DENND4A: variants seen among roughly 807,000 people sequenced by gnomAD.
The protein encoded by DENND4A is C-myc promoter-binding protein.
In DENND4A, 70 loss-of-function variants were observed where a neutral mutation model predicts 199.3. That is an observed-to-expected ratio of 0.35 (90% CI 0.29 to 0.43). The LOEUF is 0.43. Ranked by LOEUF, DENND4A falls within the 20% of genes least tolerant of loss-of-function variation. DENND4A has a pLI of 1.00. For missense variants in DENND4A, 1,723 were observed against 2,255.8 expected, an observed-to-expected ratio of 0.76 and a Z score of 4.78; for synonymous variants, 686 against 766.9, an observed-to-expected ratio of 0.89 and a Z score of 1.74.
intron 18 of DENND4A, 90 bp downstream of exon 18, chr15:65,701,672 C>G (rs2074872536): frequency 8.2e-7 from 1 of 1,216,076 alleles, no homozygotes; most frequent in East Asian, 2.4e-5. Context: ...AAAATAAATG[C>G]CAAATAACCC....
chr15:65,746,369 C>CTCTCTTTTTTTTTTT (rs2076392238), intron 4 of DENND4A, among the ~76,000 whole-genome samples: 1 of 51,268 alleles, frequency 2.0e-5, no homozygotes, highest in Admixed American at 3.4e-4. Flanking sequence ...ACTTTTTTCT[C>CTCTCTTTTTTTTTTT]TTTTTTTTTT....
chr15:65,679,268 A>AT (rs1369706301), intron 23 of DENND4A, among the ~76,000 whole-genome samples: 1 of 150,866 alleles, frequency 6.6e-6, no homozygotes, highest in Non-Finnish European at 1.5e-5. Flanking sequence ...CGCCCAGCTA[A>AT]TTTTTTGTAT....
intron 7 of DENND4A, among the ~76,000 whole-genome samples, chr15:65,734,860 T>C (rs140882556): frequency 8.5e-5 from 13 of 152,108 alleles, no homozygotes; most frequent in South Asian, 6.2e-4. Context: ...GGCGAGTGAA[T>C]TGATTGAGCC....
chr15:65,696,332 T>A, intron 22 of DENND4A, 34 bp downstream of exon 22: 1 of 1,596,342 alleles, frequency 6.3e-7, no homozygotes, highest in South Asian at 1.1e-5. Context: ...TACAATTTAT[T>A]CCGCACATAA....
At chr15:65,769,024 C>A (rs185643424) in intron 1 of DENND4A, among the ~76,000 whole-genome samples, 12 of 151,228 alleles carry the variant, frequency 7.9e-5, no homozygotes, top group South Asian at 2.1e-4. Flanking sequence ...AAAAAAAAAC[C>A]CCCACAATTT....
At chr15:65,689,188 C>A (rs2142055646) in intron 23 of DENND4A, among the ~76,000 whole-genome samples, 2 of 152,134 alleles carry the variant, frequency 1.3e-5, no homozygotes, top group South Asian at 2.1e-4. Flanking sequence ...TAATACATTC[C>A]AATTATCTAG....
chr15:65,732,764 C>A lies in DENND4A; in HGVS notation c.1095G>T (p.Arg365=). Residue 365 remains arginine, a synonymous_variant, in exon 8 of 33, where the codon CGG becomes CGT. Transcript: ENST00000443035. ...KVPFPSPQRP[R]ILVQLSPHDN... is the part of the protein sequence containing the mutation. ...AAAAAAACCTTACCTGAACTAAAAT[C>A]CGTGGTCTCTGAGGAGATGGAAAAG... The A allele has an allele frequency of 6.2e-7, 1 of 1,600,710 alleles. No homozygotes were observed. Among genetic ancestry groups the A allele is most frequent in the South Asian group, 1.1e-5 (1 of 90,156 alleles).
At chr15:65,783,956 C>T (rs771521161) in intron 1 of DENND4A, among the ~76,000 whole-genome samples, 14 of 151,986 alleles carry the variant, frequency 9.2e-5, no homozygotes, top group Admixed American at 2.6e-4. Flanking sequence ...AAGACGAGTA[C>T]GGGAAAACAA....
At chr15:65,693,227 A>G (rs990327759) in intron 22 of DENND4A, among the ~76,000 whole-genome samples, 27 of 152,280 alleles carry the variant, frequency 1.8e-4, no homozygotes, top group Admixed American at 1.8e-3. Flanking sequence ...ATTAAGGTAT[A>G]GTTTTTGAGG....
chr15:65,730,720 T>C (rs2075933003), intron 9 of DENND4A, among the ~76,000 whole-genome samples: 1 of 151,886 alleles, frequency 6.6e-6, no homozygotes, highest in Admixed American at 6.6e-5. Flanking sequence ...GGGGTATGAG[T>C]ATGTTAGAGA....
At chr15:65,766,559 G>C (rs2076992569) in intron 1 of DENND4A, 2 of 152,120 alleles carry the variant, frequency 1.3e-5, no homozygotes, top group South Asian at 4.1e-4. Context: ...GCAAAAATAG[G>C]CCAGCTTTTT....
At chr15:65,668,180 C>A in intron 27 of DENND4A, 57 bp from the exon 28 acceptor site, 34 of 1,089,672 alleles carry the variant, frequency 3.1e-5, no homozygotes, top group Non-Finnish European at 4.1e-5. Context: ...TTTACTTCAT[C>A]AACAAGGATC....
At chr15:65,721,998 C>T (rs2075660268) in intron 12 of DENND4A, among the ~76,000 whole-genome samples, 1 of 152,048 alleles carries the variant, frequency 6.6e-6, no homozygotes, top group African/African-American at 2.4e-5. Flanking sequence ...TTTCTTAATG[C>T]TATTGGCAAA....
At chr15:65,732,627 G>T (rs1277015426) in intron 8 of DENND4A, 125 bp downstream of exon 8, 1 of 576,830 alleles carries the variant, frequency 1.7e-6, no homozygotes, top group African/African-American at 1.9e-5. Context: ...ACAGGTAATA[G>T]TATCTGGTTC....
At chr15:65,772,025 T>C in intron 1 of DENND4A, 1 of 1,392,836 alleles carries the variant, frequency 7.2e-7, no homozygotes, top group South Asian at 1.2e-5. Flanking sequence ...CCAAGGGCAG[T>C]GGGTAGAGCT....
At chr15:65,694,495 T>A (rs2077078274) in intron 22 of DENND4A, among the ~76,000 whole-genome samples, 1 of 151,772 alleles carries the variant, frequency 6.6e-6, no homozygotes, top group Admixed American at 6.6e-5. Context: ...TATTTCAATA[T>A]CCAATCAAAC....
At chr15:65,706,715 C>G (rs760221583) in intron 14 of DENND4A, among the ~76,000 whole-genome samples, 1 of 152,170 alleles carries the variant, frequency 6.6e-6, no homozygotes, top group South Asian at 2.1e-4. Flanking sequence ...AGGACGGTCT[C>G]GATCTCTTGA....
At chr15:65,712,405 C>T (rs1257621571) in intron 14 of DENND4A, among the ~76,000 whole-genome samples, 1 of 152,156 alleles carries the variant, frequency 6.6e-6, no homozygotes, top group Non-Finnish European at 1.5e-5. Flanking sequence ...TTAGTTTATA[C>T]AACACTACTC....
intron 7 of DENND4A, among the ~76,000 whole-genome samples, chr15:65,736,298 G>GC (rs2076115029): frequency 2.0e-5 from 3 of 151,772 alleles, no homozygotes; most frequent in Admixed American, 2.0e-4. Flanking sequence ...TCGCTCTGTC[G>GC]CCCATACTGG....
Sources: allele counts gnomAD v4.1 joint callset (sites outside exome capture counted in the v4.1 genomes callset), GRCh38; gene constraint gnomAD v4.1.1; transcripts MANE v1.5; gene names NCBI Gene and HGNC (gene_info 2026-07-23, HGNC 2026-07-21).